The following KHDRBS2 variants were observed in gnomAD, a reference collection of about 807,000 sequenced individuals.
KHDRBS2 encodes the protein KH domain-containing, RNA-binding, signal transduction-associated protein 2.
A neutral mutation model predicts 44.3 loss-of-function variants in KHDRBS2; 26 were observed. The observed-to-expected ratio is 0.59, with a 90% CI of 0.43 to 0.81. The LOEUF (loss-of-function observed/expected upper bound fraction) is 0.81, where lower values mean the gene tolerates loss of function less well. Ranked by LOEUF, KHDRBS2 falls within the 40% of genes least tolerant of loss-of-function variation. KHDRBS2 has a pLI of 0.00. For synonymous variants in KHDRBS2, 194 were observed against 151.1 expected (o/e 1.28, Z -2.08); for missense variants, 476 against 433.1 (o/e 1.10, Z -0.88).
At chr6:61,954,659 C>T (rs143293751) in intron 4 of KHDRBS2, among the ~76,000 whole-genome samples, 34,808 of 110,482 alleles carry the variant, frequency 0.32, 8,330 homozygotes, top group African/African-American at 0.42. Context: ...TGTATACATA[C>T]ATATGTGTAT....
the KHDRBS2 span, among the ~76,000 whole-genome samples, chr6:61,601,769 C>T: frequency 5.3e-5 from 8 of 152,022 alleles, no homozygotes; most frequent in Non-Finnish European, 1.2e-4. Context: ...GAGCCAGGTC[C>T]CAATTCTTCC....
chr6:61,881,993 G>A (rs1800273317), intron 6 of KHDRBS2, among the ~76,000 whole-genome samples: 1 of 152,000 alleles, frequency 6.6e-6, no homozygotes, highest in Admixed American at 6.6e-5. Flanking sequence ...TTACAACAAA[G>A]GGCATCAGCT....
chr6:62,264,436 A>G (rs995336326), intron 1 of KHDRBS2, among the ~76,000 whole-genome samples: 1 of 151,766 alleles, frequency 6.6e-6, no homozygotes, highest in African/African-American at 2.4e-5. Flanking sequence ...TTACATTCCA[A>G]TTTAAACAGA....
At chr6:62,054,923 G>A (rs760853471) in intron 2 of KHDRBS2, among the ~76,000 whole-genome samples, 12 of 152,010 alleles carry the variant, frequency 7.9e-5, no homozygotes, top group African/African-American at 1.4e-4. Flanking sequence ...AAGGAGCTAC[G>A]TAATATATAG....
intron 8 of KHDRBS2, among the ~76,000 whole-genome samples, chr6:61,693,005 C>T (rs1245220680): frequency 1.3e-5 from 2 of 152,014 alleles, no homozygotes; most frequent in African/African-American, 4.8e-5. Flanking sequence ...CACAATGTAA[C>T]ACAGAGGAGT....
At chr6:62,282,184 T>A (rs1272845071) in intron 1 of KHDRBS2, among the ~76,000 whole-genome samples, 1 of 152,172 alleles carries the variant, frequency 6.6e-6, no homozygotes, top group African/African-American at 2.4e-5. Context: ...ATAATCTAAA[T>A]GTAGTTAACT....
At chr6:61,778,052 A>G (rs1407112146) in intron 6 of KHDRBS2, among the ~76,000 whole-genome samples, 1 of 151,998 alleles carries the variant, frequency 6.6e-6, no homozygotes, top group Non-Finnish European at 1.5e-5. Context: ...TGTGTTCATG[A>G]CCACTCCTAT....
the KHDRBS2 span, among the ~76,000 whole-genome samples, chr6:61,567,973 T>C: frequency 5.3e-5 from 8 of 152,160 alleles, no homozygotes; most frequent in Admixed American, 2.6e-4. Context: ...TAGTTTCATG[T>C]CTTAAATATA....
intron 4 of KHDRBS2, among the ~76,000 whole-genome samples, chr6:61,922,571 A>T (rs1808259067): frequency 6.6e-6 from 1 of 152,080 alleles, no homozygotes; most frequent in Non-Finnish European, 1.5e-5. Flanking sequence ...AAAGACTAGA[A>T]GGAACAGTTC....
At chr6:62,239,915 C>T (rs943623527) in intron 1 of KHDRBS2, among the ~76,000 whole-genome samples, 18 of 152,062 alleles carry the variant, frequency 1.2e-4, no homozygotes, top group African/African-American at 3.6e-4. Context: ...AAACTCCTGA[C>T]CTCAGGTGGT....
At chr6:61,958,257 T>A (rs1298668213) in intron 4 of KHDRBS2, among the ~76,000 whole-genome samples, 1 of 152,150 alleles carries the variant, frequency 6.6e-6, no homozygotes, top group African/African-American at 2.4e-5. Context: ...CCTGGCTTCT[T>A]TGCAGTCCAG....
intron 1 of KHDRBS2, among the ~76,000 whole-genome samples, chr6:62,217,989 G>A (rs182884232): frequency 1.4e-4 from 21 of 151,810 alleles, no homozygotes; most frequent in African/African-American, 7.2e-5. Context: ...GGAATCACTC[G>A]GCCAAGGTCC....
At chr6:62,026,437 TA>T (rs1294761293) in intron 3 of KHDRBS2, among the ~76,000 whole-genome samples, 13 of 140,388 alleles carry the variant, frequency 9.3e-5, no homozygotes, top group African/African-American at 2.7e-4. Flanking sequence ...TTATTATTAT[TA>T]TTTTTTTTTT....
chr6:61,622,989 T>C, the KHDRBS2 span, among the ~76,000 whole-genome samples: 1 of 152,088 alleles, frequency 6.6e-6, no homozygotes, highest in Non-Finnish European at 1.5e-5. Context: ...ACAGTTACTA[T>C]AATGATTGGC....
At chr6:61,616,171 T>A in the KHDRBS2 span, among the ~76,000 whole-genome samples, 1 of 152,152 alleles carries the variant, frequency 6.6e-6, no homozygotes, top group East Asian at 1.9e-4. Flanking sequence ...TTGAATGGGC[T>A]AAGTGAGAAT....
chr6:61,835,737 G>A (rs1002550883), intron 6 of KHDRBS2, among the ~76,000 whole-genome samples: 20 of 151,366 alleles, frequency 1.3e-4, no homozygotes, highest in Non-Finnish European at 2.7e-4. Context: ...GTGTGTGTGT[G>A]TGCATGAGAG....
chr6:62,135,851 G>T (rs1811402986), intron 2 of KHDRBS2, among the ~76,000 whole-genome samples: 1 of 151,784 alleles, frequency 6.6e-6, no homozygotes, highest in South Asian at 2.1e-4. Context: ...TTCACATATG[G>T]AAAGTAAAAA....
intron 2 of KHDRBS2, among the ~76,000 whole-genome samples, chr6:62,117,268 T>A: frequency 6.6e-6 from 1 of 152,152 alleles, no homozygotes; most frequent in East Asian, 1.9e-4. Flanking sequence ...GCATATGTTG[T>A]TTTTTGTCTT....
chr6:61,572,926 T>C, the KHDRBS2 span, among the ~76,000 whole-genome samples: 1 of 152,186 alleles, frequency 6.6e-6, no homozygotes, highest in Non-Finnish European at 1.5e-5. Context: ...GGATGCCCAC[T>C]TTCACCACTT....
Sources: gnomAD v4.1 joint callset for allele counts (sites outside exome capture counted in the v4.1 genomes callset) on GRCh38, gnomAD v4.1.1 for gene constraint, MANE v1.5 for transcripts, NCBI Gene and HGNC (gene_info 2026-07-23, HGNC 2026-07-21) for gene names.